LAMA5: variants seen among roughly 807,000 people sequenced by gnomAD.
LAMA5 encodes the protein laminin subunit alpha-5.
In LAMA5, 260 loss-of-function variants were observed where a neutral mutation model predicts 433.4. The ratio of observed to expected loss-of-function variants is 0.60; its 90% CI spans 0.54 to 0.66. LAMA5 has a LOEUF of 0.66. Among genes scored for constraint, LAMA5 ranks in the 30% least tolerant of loss-of-function variants. The pLI is 0.00. For synonymous variants in LAMA5, 2,620 were observed against 2,226.6 expected, an observed-to-expected ratio of 1.18 and a Z score of -4.97; for missense variants, 5,378 against 5,258.5, an observed-to-expected ratio of 1.02 and a Z score of -0.70.
chr20:62,317,557 C>G, intron 54 of LAMA5, 58 bp from the exon 55 acceptor site: 1 of 1,523,424 alleles, frequency 6.6e-7, no homozygotes, highest in Non-Finnish European at 8.8e-7. Flanking sequence ...ATCCACGACC[C>G]TGAGGGCGGG....
chr20:62,352,040 T>C lies in LAMA5; in HGVS notation c.727A>G (p.Asn243Asp), dbSNP rs1162622428. ...CGTAGCAGCGGCGAGTAGGAGAAATTCATGGCGCCCGGACGTCCGTTCACC... is the reference window on the plus strand; with the variant it reads ...CGTAGCAGCGGCGAGTAGGAGAAATCCATGGCGCCCGGACGTCCGTTCACC... ...SLVNGRPGAM[N>D]FSYSPLLREF... The change falls in exon 5 of 80, where the codon AAT (asparagine) becomes GAT (aspartate). Residue 243 changes from asparagine (N) to aspartate (D), a missense_variant. Physicochemically the swap from Asn to Asp is conservative, Grantham distance 23 (BLOSUM62 1). Transcript: ENST00000252999. 1 of 1,612,436 alleles carries C rather than the reference T, an allele frequency of 6.2e-7. No individual in the cohort carries two copies. The highest frequency in any genetic ancestry group is 8.5e-7 in the Non-Finnish European group (1 of 1,179,934).
intron 11 of LAMA5, among the ~76,000 whole-genome samples, chr20:62,341,039 AAAATAAATAAATAAATAAAT>A (rs71303318): frequency 4.8e-5 from 7 of 147,068 alleles, no homozygotes; most frequent in African/African-American, 1.5e-4. Context: ...ACTCTGTGTC[AAAATAAATAAATAAATAAAT>A]AAATAAATAA....
At chr20:62,315,628 C>T (rs900206841) in intron 58 of LAMA5, among the ~76,000 whole-genome samples, 8 of 152,202 alleles carry the variant, frequency 5.3e-5, no homozygotes, top group African/African-American at 1.9e-4. Flanking sequence ...GTTCCAGCCA[C>T]GCTGACCACT....
Position 62,326,920 on chromosome 20 carries a change from GT to G in LAMA5, c.5158del (p.Thr1720ProfsTer23). ...GGGGACAAAGACATCTCCCCGCTGG[GT>G]CTCTGAGTGCAGTTCATAACGGAGG... ...GTLRYELHSETQRGDVFVPME... is the reference protein window; with the variant it reads ...GTLRYELHSEXQRGDVFVPME... On this transcript the variant is annotated frameshift_variant, in exon 39 of 80. Coordinates refer to ENST00000252999, the MANE Select transcript of LAMA5 (RefSeq NM_005560.6). LOFTEE classifies it high-confidence loss of function. 1 of 1,612,354 alleles carries G rather than the reference GT, an allele frequency of 6.2e-7. No homozygotes were observed. The highest frequency in any genetic ancestry group is 8.5e-7 in the Non-Finnish European group (1 of 1,179,466).
Position 62,355,315 on chromosome 20 carries a change from AAG to A in LAMA5, c.451-2066_451-2065del, listed in dbSNP as rs1985018955. On this transcript the variant is annotated intron_variant, in intron 2 of 79. Coordinates refer to ENST00000252999, the MANE Select transcript of LAMA5 (RefSeq NM_005560.6). The stretch of plus-strand genomic sequence containing the variant: ...GGTGCTGTTGGCCAGGTAGGCCTGG[AAG>A]CCTAGGGCCCCAAGGGGGAGAGTGG... 4 of 152,488 alleles carry A rather than the reference AAG, an allele frequency of 2.6e-5. 1 individual carries two copies. The South Asian group carries it at 8.3e-4, about 32-fold the overall frequency. The allele number at this position is 152,488 out of a possible 1,614,324, so 9.4% of individuals were successfully genotyped here. A position where few individuals can be genotyped will look rare whatever the true frequency, so the allele number is the denominator to read the frequency against.
chr20:62,317,775 T>A lies in LAMA5; in HGVS notation c.7243A>T (p.Arg2415Trp), dbSNP rs1987121129. ...NQERLEEALQ[R>W]KQELSRDNAT... ...TTGTCCCGGGACAGCTCCTGCTTCC[T>A]TTGCTGAAGGCAATGCAGGGGAGTT... The change falls in exon 54 of 80, where the codon AGG (arginine) becomes TGG (tryptophan). Residue 2415 changes from arginine to tryptophan, a missense_variant. By Grantham distance (101) the Arg-to-Trp change is moderately radical. Transcript: ENST00000252999. 1.9e-6 allele frequency: 3 copies of A among 1,593,228 alleles called. No individual in the cohort carries two copies. In the East Asian group the frequency reaches 6.8e-5, roughly 36 times the overall value.
intron 24 of LAMA5, 32 bp from the exon 25 acceptor site, chr20:62,333,513 G>A (rs752263475): frequency 1.6e-5 from 25 of 1,595,864 alleles, no homozygotes; most frequent in African/African-American, 5.4e-5. Context: ...GAGAGTGGTG[G>A]GCCCCACCCC....
intron 38 of LAMA5, 29 bp downstream of exon 38, chr20:62,327,204 G>C: frequency 6.8e-7 from 1 of 1,470,304 alleles, no homozygotes; most frequent in Non-Finnish European, 9.0e-7. Context: ...TCCTCAAAGT[G>C]CCTCCCCCAG....
chr20:62,337,443 G>T, intron 16 of LAMA5, 147 bp downstream of exon 16: 3 of 1,094,540 alleles, frequency 2.7e-6, no homozygotes, highest in East Asian at 2.6e-5. Context: ...ATGTGAACAA[G>T]GTGCGAACAC....
chr20:62,313,444 C>T lies in LAMA5; in HGVS notation c.8675G>A (p.Arg2892His), dbSNP rs1419680079. The change falls in exon 64 of 80, where the codon CGC becomes CAC. Residue 2892 changes from arginine to histidine, a missense_variant. Arg to His is a conservative substitution (Grantham distance 29, BLOSUM62 0). Coordinates refer to ENST00000252999, the MANE Select transcript of LAMA5 (RefSeq NM_005560.6). The part of the protein sequence containing the change: ...PSTFTPPPLL[R>H]FPGYRGCIEM... ...GATGCAGCCCCGGTAGCCGGGGAAG[C>T]GAAGCAGGGGAGGGGGCTGTGGGCA... 24 of 1,608,406 alleles carry T rather than the reference C, an allele frequency of 1.5e-5. No homozygotes were observed. The highest frequency in any genetic ancestry group is 2.2e-5 in the East Asian group (1 of 44,816).
At chr20:62,331,982 G>A (rs889403571) in intron 28 of LAMA5, among the ~76,000 whole-genome samples, 3 of 152,006 alleles carry the variant, frequency 2.0e-5, no homozygotes, top group African/African-American at 7.3e-5. Flanking sequence ...AACCCAGGAG[G>A]TGGAGGTTGC....
intron 45 of LAMA5, 22 bp from the exon 46 acceptor site, chr20:62,322,780 G>A (rs1199561628): frequency 2.1e-5 from 29 of 1,405,780 alleles, no homozygotes; most frequent in Non-Finnish European, 2.6e-5. Flanking sequence ...GTCCGTGACT[G>A]CAGCCCTGGG....
At position 62,313,185 on chromosome 20, in the gene LAMA5, C is replaced by G; in HGVS notation, c.8858G>C (p.Arg2953Pro). 6.4e-7 allele frequency: 1 copy of G among 1,563,350 alleles called. No individual in the cohort carries two copies. Among genetic ancestry groups the G allele is most frequent in the Non-Finnish European group, 8.6e-7 (1 of 1,158,888 alleles). ...GCTGATCTGACTGTCGAAGCTGATG[C>G]GGGCGAAGCCGGTGCCGTCCAGGTA... is the stretch of plus-strand genomic sequence containing the variant. ...GSYLDGTGFA[R>P]ISFDSQISTT... is the part of the protein sequence containing the mutation. Residue 2953 changes from arginine (R) to proline (P), a missense_variant, in exon 65 of 80, where the codon CGC becomes CCC. Arg to Pro is a moderately radical substitution (Grantham distance 103). Coordinates refer to ENST00000252999, the MANE Select transcript of LAMA5 (RefSeq NM_005560.6).
At chr20:62,320,935 C>T (rs1568916451) in intron 48 of LAMA5, 45 bp from the exon 49 acceptor site, 13 of 1,569,424 alleles carry the variant, frequency 8.3e-6, no homozygotes, top group Admixed American at 1.9e-5. Flanking sequence ...TGGGTCAGGC[C>T]AGGGGAGAAT....
In LAMA5 at chr20:62,325,526, C is replaced by A. The variant is rs1487250958; in HGVS notation, c.5319G>T (p.Glu1773Asp). 1 of 1,608,618 alleles carries A rather than the reference C, an allele frequency of 6.2e-7. No individual in the cohort carries two copies. The highest frequency in any genetic ancestry group is 8.5e-7 in the Non-Finnish European group (1 of 1,177,208). ...CCTCGCGGGACACAGTGTTGCGCGT[C>A]TCCGTATGCCGGAAGTTCCCCTGTG... ...QLVEGNFRHT[E>D]TRNTVSREEL... Residue 1773 changes from glutamate (E) to aspartate (D), a missense_variant, in exon 41 of 80, where the codon GAG (glutamate) becomes GAT (aspartate). Transcript: ENST00000252999.
chr20:62,326,886 G>A lies in LAMA5; in HGVS notation c.5193C>T (p.Ser1731=), dbSNP rs1016878297. 2 of 1,611,930 alleles carry A rather than the reference G, an allele frequency of 1.2e-6. No individual in the cohort carries two copies. Among genetic ancestry groups the A allele is most frequent in the Admixed American group, 1.7e-5 (1 of 59,960 alleles). ...TCACCTGCAGCACCACATCCGGCCT[G>A]CTCTCCATGGGGACAAAGACATCTC... ...QRGDVFVPME[S]RPDVVLQGNQ... Residue 1731 remains serine (S), a synonymous_variant, in exon 39 of 80, where the codon AGC becomes AGT. Coordinates refer to ENST00000252999, the MANE Select transcript of LAMA5 (RefSeq NM_005560.6).
At chr20:62,311,826 G>GCCCAC in intron 70 of LAMA5, 42 bp from the exon 71 acceptor site, 1 of 487,170 alleles carries the variant, frequency 2.1e-6, no homozygotes, top group Non-Finnish European at 3.5e-6. Flanking sequence ...TCCCCACCCT[G>GCCCAC]CCCACCCCCA....
At chr20:62,354,939 C>T (rs749863) in intron 2 of LAMA5, among the ~76,000 whole-genome samples, 143 of 152,308 alleles carry the variant, frequency 9.4e-4, no homozygotes, top group African/African-American at 3.0e-3. Flanking sequence ...ACCTCTCCCC[C>T]GCCTGTGCGA....
Position 62,333,716 on chromosome 20 carries a change from G to A in LAMA5, c.2879-10C>T, listed in dbSNP as rs751514162. On this transcript the variant is annotated splice_polypyrimidine_tract_variant and intron_variant, in intron 23 of 79. Coordinates refer to ENST00000252999, the MANE Select transcript of LAMA5 (RefSeq NM_005560.6). ...TGACTCTGTGCTGTGCCTGGGCGGG[G>A]GCAGGGGTGAGACTCCTGAGCCCAG... 3 of 1,575,678 alleles carry A rather than the reference G, an allele frequency of 1.9e-6. No homozygotes were observed. The highest frequency in any genetic ancestry group is 2.3e-5 in the East Asian group (1 of 43,842).
Sources: allele counts gnomAD v4.1 joint callset (sites outside exome capture counted in the v4.1 genomes callset), GRCh38; gene constraint gnomAD v4.1.1; transcripts MANE v1.5; gene names NCBI Gene and HGNC (gene_info 2026-07-23, HGNC 2026-07-21).